Variants in HYAL4 observed in about 807,000 individuals in gnomAD.
HYAL4 encodes the protein hyaluronidase-4.
In HYAL4, 37 loss-of-function variants were observed where a neutral mutation model predicts 35.2. The observed-to-expected ratio is 1.05, with a 90% CI of 0.81 to 1.38. The LOEUF (loss-of-function observed/expected upper bound fraction) is 1.38. Among genes scored for constraint, HYAL4 ranks in the 40% most tolerant of loss-of-function variants. The probability of loss-of-function intolerance (pLI) is 0.00; values close to 1 mark genes in which losing one functional copy is unlikely to be tolerated. For synonymous variants in HYAL4, 198 were observed against 203.2 expected (o/e 0.97, Z 0.22); for missense variants, 572 against 572.4 (o/e 1.00, Z 0.01).
upstream of HYAL4, among the ~76,000 whole-genome samples, chr7:123,843,442 C>T (rs1806108141): frequency 6.6e-6 from 1 of 151,974 alleles, no homozygotes; most frequent in Admixed American, 6.6e-5. Flanking sequence ...CTTTTTCCTT[C>T]ATTTCAACCT....
chr7:123,830,626 A>G (rs937834569), intron 1 of HYAL4, among the ~76,000 whole-genome samples: 8 of 152,094 alleles, frequency 5.3e-5, no homozygotes, highest in Admixed American at 5.2e-4. Flanking sequence ...TACAACCCAC[A>G]ATTTTCTGAA....
chr7:123,766,631 T>G, the HYAL4 span, among the ~76,000 whole-genome samples: 1 of 152,168 alleles, frequency 6.6e-6, no homozygotes, highest in Admixed American at 6.5e-5. Flanking sequence ...GATGGTTTTA[T>G]TTGATTATAA....
upstream of HYAL4, among the ~76,000 whole-genome samples, chr7:123,825,940 T>C (rs951519121): frequency 3.2e-4 from 48 of 152,152 alleles, no homozygotes; most frequent in African/African-American, 1.1e-3. Flanking sequence ...ATTTTATTCC[T>C]CTATGTTAAA....
chr7:123,804,240 T>C, the HYAL4 span, among the ~76,000 whole-genome samples: 1 of 152,144 alleles, frequency 6.6e-6, no homozygotes, highest in Non-Finnish European at 1.5e-5. Context: ...TATGCACATA[T>C]GTTTCTTGAC....
chr7:123,813,443 T>G, the HYAL4 span, among the ~76,000 whole-genome samples: 1 of 152,166 alleles, frequency 6.6e-6, no homozygotes, highest in African/African-American at 2.4e-5. Context: ...CCAGTTTCTT[T>G]ATAGGAAAAC....
the HYAL4 span, among the ~76,000 whole-genome samples, chr7:123,776,388 C>T: frequency 1.3e-5 from 2 of 152,002 alleles, no homozygotes. Context: ...TGGGGAGAGG[C>T]ATGTTAGGTG....
upstream of HYAL4, among the ~76,000 whole-genome samples, chr7:123,824,437 T>G (rs1255473207): frequency 6.6e-6 from 1 of 152,152 alleles, no homozygotes; most frequent in Non-Finnish European, 1.5e-5. Flanking sequence ...TATAATTTTT[T>G]TAAGTTTAAT....
chr7:123,807,625 G>C, the HYAL4 span, among the ~76,000 whole-genome samples: 44 of 151,580 alleles, frequency 2.9e-4, no homozygotes, highest in Admixed American at 2.4e-3. Context: ...ATTTTTAGTA[G>C]AGATAGGTTT....
chr7:123,855,293 A>T (rs1271200534), intron 2 of HYAL4, among the ~76,000 whole-genome samples: 1 of 152,132 alleles, frequency 6.6e-6, no homozygotes, highest in Non-Finnish European at 1.5e-5. Flanking sequence ...TTTTCTTCAC[A>T]GTGTTGATGG....
At chr7:123,787,275 A>G in the HYAL4 span, among the ~76,000 whole-genome samples, 1 of 152,018 alleles carries the variant, frequency 6.6e-6, no homozygotes, top group African/African-American at 2.4e-5. Flanking sequence ...TAGTTATCCC[A>G]TGTTGTCATG....
the HYAL4 span, among the ~76,000 whole-genome samples, chr7:123,818,720 T>C: frequency 6.6e-6 from 1 of 152,308 alleles, no homozygotes; most frequent in South Asian, 2.1e-4. Flanking sequence ...TATCACCTTT[T>C]CCAATTCTGG....
At chr7:123,767,587 A>C in the HYAL4 span, among the ~76,000 whole-genome samples, 1 of 152,236 alleles carries the variant, frequency 6.6e-6, no homozygotes, top group African/African-American at 2.4e-5. Context: ...GACAAAACAA[A>C]TAAAAAAAAC....
chr7:123,779,331 C>A, the HYAL4 span, among the ~76,000 whole-genome samples: 24 of 152,180 alleles, frequency 1.6e-4, no homozygotes, highest in African/African-American at 5.5e-4. Flanking sequence ...ATGAGTGCTA[C>A]AACCTAACAT....
chr7:123,857,139 G>A (rs116220854), intron 2 of HYAL4, among the ~76,000 whole-genome samples: 3,210 of 152,242 alleles, frequency 0.021, 108 homozygotes, highest in African/African-American at 0.073. Context: ...GGTGGGATCC[G>A]TTGAGTTAGA....
At chr7:123,872,761 C>T (rs772405151) in intron 3 of HYAL4, among the ~76,000 whole-genome samples, 2 of 152,138 alleles carry the variant, frequency 1.3e-5, no homozygotes, top group African/African-American at 4.8e-5. Context: ...ATTTTCTGAT[C>T]CCCAAAACAT....
chr7:123,849,353 T>C (rs1227278650), intron 2 of HYAL4, among the ~76,000 whole-genome samples: 1 of 151,570 alleles, frequency 6.6e-6, no homozygotes, highest in Non-Finnish European at 1.5e-5. Flanking sequence ...CAAGCTGGAG[T>C]GCATCGGCGC....
At chr7:123,790,057 G>A in the HYAL4 span, among the ~76,000 whole-genome samples, 1 of 152,108 alleles carries the variant, frequency 6.6e-6, no homozygotes, top group African/African-American at 2.4e-5. Flanking sequence ...GCAATTTGGA[G>A]GCAGAATTTC....
the HYAL4 span, among the ~76,000 whole-genome samples, chr7:123,823,065 G>T: frequency 7.5e-6 from 1 of 132,916 alleles, no homozygotes; most frequent in Non-Finnish European, 1.7e-5. Context: ...TTTCATCATT[G>T]ACTATGATGT....
At chr7:123,850,988 G>A (rs1806292547) in intron 2 of HYAL4, among the ~76,000 whole-genome samples, 1 of 152,152 alleles carries the variant, frequency 6.6e-6, no homozygotes, top group Non-Finnish European at 1.5e-5. Flanking sequence ...CATGCAATTA[G>A]CAGTCTTGGA....
Sources: gnomAD v4.1 joint callset for allele counts (sites outside exome capture counted in the v4.1 genomes callset) on GRCh38, gnomAD v4.1.1 for gene constraint, MANE v1.5 for transcripts, NCBI Gene and HGNC (gene_info 2026-07-23, HGNC 2026-07-21) for gene names.